The following WDR70 variants were observed in gnomAD, a reference collection of about 807,000 sequenced individuals.
The protein encoded by WDR70 is WD repeat domain 70, also known as WD repeat-containing protein 70.
A neutral mutation model predicts 88.6 loss-of-function variants in WDR70; 53 were observed. The observed-to-expected ratio is 0.60, with a 90% CI of 0.48 to 0.75. The LOEUF is 0.75. Ranked by LOEUF, WDR70 falls within the 30% of genes least tolerant of loss-of-function variation. WDR70 has a pLI of 0.00. For synonymous variants in WDR70, 280 were observed against 270.0 expected, an observed-to-expected ratio of 1.04 and a Z score of -0.36; for missense variants, 610 against 823.2, an observed-to-expected ratio of 0.74 and a Z score of 3.17.
chr5:37,443,216 T>C, intron 6 of WDR70, 23 bp from the exon 7 acceptor site: 1 of 1,574,816 alleles, frequency 6.3e-7, no homozygotes, highest in Non-Finnish European at 8.6e-7. Flanking sequence ...TCCGGTCATT[T>C]TATTTTATTT....
At position 37,603,942 on chromosome 5, in the gene WDR70, A is replaced by G. The variant is rs188088233; in HGVS notation, c.918-1122A>G. 2.2e-3 allele frequency among the ~76,000 whole-genome samples: 340 copies of G among 152,284 alleles called. 1 individual carries two copies. The highest frequency in any genetic ancestry group is 3.4e-3 in the Middle Eastern group (1 of 292). On this transcript the variant is annotated intron_variant, in intron 9 of 17. Coordinates refer to ENST00000265107, the MANE Select transcript of WDR70 (RefSeq NM_018034.4). ...ATTTTCCTTCTTCCTCCTAACCTTT[A>G]CAATTATTGTCATACATTTTACTTG...
At chr5:37,418,045 C>G (rs981865600) in intron 5 of WDR70, among the ~76,000 whole-genome samples, 7 of 152,070 alleles carry the variant, frequency 4.6e-5, no homozygotes, top group African/African-American at 1.7e-4. Flanking sequence ...CAGTTAGTTC[C>G]TGATTGGAAA....
intron 10 of WDR70, among the ~76,000 whole-genome samples, chr5:37,638,043 G>A (rs761403982): frequency 3.3e-5 from 5 of 152,058 alleles, no homozygotes; most frequent in African/African-American, 4.8e-5. Context: ...GCTGGGATCC[G>A]GGATGTGCCA....
intron 17 of WDR70, among the ~76,000 whole-genome samples, chr5:37,741,009 G>C (rs1414182516): frequency 6.6e-6 from 1 of 152,090 alleles, no homozygotes; most frequent in East Asian, 1.9e-4. Context: ...TAAAAACCTA[G>C]ATTTGTATTT....
At chr5:37,535,777 C>T (rs760242526) in intron 9 of WDR70, among the ~76,000 whole-genome samples, 2 of 152,068 alleles carry the variant, frequency 1.3e-5, no homozygotes, top group Non-Finnish European at 2.9e-5. Flanking sequence ...TCACAGCAGT[C>T]GGATAGGTGG....
At chr5:37,691,402 G>A (rs570814390) in intron 10 of WDR70, among the ~76,000 whole-genome samples, 74 of 152,184 alleles carry the variant, frequency 4.9e-4, no homozygotes, top group Middle Eastern at 6.8e-3. Flanking sequence ...AATCAACAGA[G>A]TATACATTCT....
At position 37,689,143 on chromosome 5, in the gene WDR70, G is replaced by A. The variant is rs571167092; in HGVS notation, c.1093-8512G>A. ...CAGCCTGGCTGGGGGAGGGGCGTCC[G>A]CCATTGCTGAGGCTTGAGTAGGTAA... On this transcript the variant is annotated intron_variant, in intron 10 of 17. Coordinates refer to ENST00000265107, the MANE Select transcript of WDR70 (RefSeq NM_018034.4). Among the ~76,000 whole-genome samples the A allele has an allele frequency of 2.1e-3, 325 of 152,346 alleles. 2 individuals are homozygous for A. Among genetic ancestry groups the A allele is most frequent in the Middle Eastern group, 0.01 (3 of 294 alleles).
chr5:37,486,323 G>A (rs1356083557), intron 8 of WDR70, among the ~76,000 whole-genome samples: 1 of 148,988 alleles, frequency 6.7e-6, no homozygotes, highest in Non-Finnish European at 1.5e-5. Context: ...ATGTGTTAGC[G>A]ATTTAAACAA....
At chr5:37,521,394 A>G (rs1438944778) in intron 9 of WDR70, among the ~76,000 whole-genome samples, 1 of 152,204 alleles carries the variant, frequency 6.6e-6, no homozygotes, top group Non-Finnish European at 1.5e-5. Flanking sequence ...GATTACATGA[A>G]TAAGTTCTGC....
intron 5 of WDR70, among the ~76,000 whole-genome samples, chr5:37,411,547 C>A (rs1749525422): frequency 1.3e-5 from 2 of 151,942 alleles, no homozygotes; most frequent in South Asian, 4.2e-4. Context: ...CCAACATGGC[C>A]AAACCCCATC....
At chr5:37,482,031 C>G (rs1376106384) in intron 8 of WDR70, among the ~76,000 whole-genome samples, 1 of 152,194 alleles carries the variant, frequency 6.6e-6, no homozygotes, top group Non-Finnish European at 1.5e-5. Flanking sequence ...CATTTCCCAA[C>G]AAATTCCTCA....
At chr5:37,450,390 G>A (rs902716039) in intron 7 of WDR70, among the ~76,000 whole-genome samples, 4 of 152,122 alleles carry the variant, frequency 2.6e-5, no homozygotes, top group African/African-American at 4.8e-5. Flanking sequence ...AAATACATGC[G>A]TGTATATTAT....
intron 5 of WDR70, among the ~76,000 whole-genome samples, chr5:37,422,540 C>T (rs10076738): frequency 0.036 from 5,407 of 152,030 alleles, 336 homozygotes; most frequent in African/African-American, 0.12. Context: ...TGCACTGGCG[C>T]GATCTCTGCT....
rs191468710 is a variant in WDR70 at position 37,724,352 on chromosome 5, A to G, written c.1598-582A>G. The G allele has an allele frequency of 4.1e-3, 619 of 152,276 alleles. 2 individuals carry two copies. The highest frequency in any genetic ancestry group is 7.7e-3 in the Admixed American group (117 of 15,278). The allele number at this position is 152,276 out of a possible 1,614,324, so 9.4% of individuals were successfully genotyped here. On this transcript the variant is annotated intron_variant, in intron 15 of 17. Transcript: ENST00000265107. ...ATTTTGCTACCATATAGCAGGAGGGATAAGGCCCCATTAAGTCCCCATGCC... is the reference window on the plus strand; with the variant it reads ...ATTTTGCTACCATATAGCAGGAGGGGTAAGGCCCCATTAAGTCCCCATGCC...
chr5:37,462,198 G>A (rs1352312288), intron 7 of WDR70, among the ~76,000 whole-genome samples: 1 of 151,918 alleles, frequency 6.6e-6, no homozygotes, highest in African/African-American at 2.4e-5. Flanking sequence ...AAATTCTTAA[G>A]GATTTCTTAT....
At chr5:37,521,552 T>C (rs1741088660) in intron 9 of WDR70, among the ~76,000 whole-genome samples, 1 of 152,198 alleles carries the variant, frequency 6.6e-6, no homozygotes, top group South Asian at 2.1e-4. Flanking sequence ...TGTGTTCTCA[T>C]TGCTTAGCTC....
chr5:37,495,442 A>ATCTC (rs139533160), intron 8 of WDR70, among the ~76,000 whole-genome samples: 165 of 148,314 alleles, frequency 1.1e-3, no homozygotes, highest in African/African-American at 3.6e-3. Context: ...ATTATCAGCA[A>ATCTC]TCTCTCTCTC....
At chr5:37,423,155 A>T (rs565982592) in intron 5 of WDR70, among the ~76,000 whole-genome samples, 1 of 152,294 alleles carries the variant, frequency 6.6e-6, no homozygotes, top group Non-Finnish European at 1.5e-5. Flanking sequence ...AAAGTAAATT[A>T]TGTCATATAA....
intron 7 of WDR70, among the ~76,000 whole-genome samples, chr5:37,461,579 G>T (rs1203543258): frequency 6.6e-6 from 1 of 151,946 alleles, no homozygotes; most frequent in Non-Finnish European, 1.5e-5. Context: ...TGCCTCCTGG[G>T]TTCACGCCGT....
Sources: allele counts gnomAD v4.1 joint callset (sites outside exome capture counted in the v4.1 genomes callset), GRCh38; gene constraint gnomAD v4.1.1; transcripts MANE v1.5; gene names NCBI Gene and HGNC (gene_info 2026-07-23, HGNC 2026-07-21).